The following SCG5 variants were observed in gnomAD, a reference collection of about 807,000 sequenced individuals.
SCG5 encodes secretogranin V.
Under a neutral mutation model 25.7 loss-of-function variants are expected in SCG5, and 18 were observed. The ratio of observed to expected loss-of-function variants is 0.70; its 90% CI spans 0.48 to 1.04. SCG5 has a LOEUF of 1.04. SCG5 is among the 50% of genes least tolerant of loss of function. The pLI, the probability that SCG5 is intolerant of heterozygous loss-of-function variation, is 0.00. For missense variants in SCG5, 206 were observed against 259.8 expected (o/e 0.79, Z 1.42); for synonymous variants, 101 against 91.7 (o/e 1.10, Z -0.58).
chr15:32,648,472 T>C (rs1397744767), intron 2 of SCG5, among the ~76,000 whole-genome samples: 2 of 152,154 alleles, frequency 1.3e-5, no homozygotes, highest in African/African-American at 4.8e-5. Context: ...ATCTCCGTAG[T>C]TACAATTCCA....
chr15:32,667,393 G>A (rs188632015), intron 2 of SCG5, among the ~76,000 whole-genome samples: 6 of 152,298 alleles, frequency 3.9e-5, no homozygotes, highest in East Asian at 1.9e-4. Flanking sequence ...TTCTTCACCC[G>A]TTTTACCATG....
At chr15:32,655,190 C>T (rs1049945839) in intron 2 of SCG5, among the ~76,000 whole-genome samples, 1 of 152,134 alleles carries the variant, frequency 6.6e-6, no homozygotes, top group Non-Finnish European at 1.5e-5. Flanking sequence ...CACCTGTAGT[C>T]CCAGCTACTC....
intron 2 of SCG5, among the ~76,000 whole-genome samples, chr15:32,664,419 TA>T (rs2054287125): frequency 6.6e-6 from 1 of 152,194 alleles, no homozygotes; most frequent in Non-Finnish European, 1.5e-5. Context: ...GCTACAAAAC[TA>T]ATTGATTTAT....
intron 2 of SCG5, among the ~76,000 whole-genome samples, chr15:32,651,072 G>T (rs1488317807): frequency 6.6e-6 from 1 of 152,114 alleles, no homozygotes; most frequent in Non-Finnish European, 1.5e-5. Flanking sequence ...GGTGGCACGT[G>T]CCTGTAATCC....
At chr15:32,664,764 C>T (rs1054931148) in intron 2 of SCG5, among the ~76,000 whole-genome samples, 2 of 152,166 alleles carry the variant, frequency 1.3e-5, no homozygotes, top group African/African-American at 4.8e-5. Flanking sequence ...AAGTCACCTC[C>T]ACTCTTATAA....
At chr15:32,695,667 G>T (rs1005504914) in intron 5 of SCG5, among the ~76,000 whole-genome samples, 3 of 152,028 alleles carry the variant, frequency 2.0e-5, no homozygotes, top group Non-Finnish European at 4.4e-5. Flanking sequence ...TAAAATACTG[G>T]CGAGGAAGAA....
chr15:32,655,644 AGATAGGGTCTTTGGGGGT>A (rs1422546584), intron 2 of SCG5, among the ~76,000 whole-genome samples: 57 of 152,306 alleles, frequency 3.7e-4, no homozygotes, highest in Middle Eastern at 3.4e-3. Flanking sequence ...TAGTAATAAA[AGATAGGGTCTTTGGGGGT>A]GATTAGACCT....
At chr15:32,677,246 C>T (rs999184393) in intron 2 of SCG5, among the ~76,000 whole-genome samples, 3 of 152,084 alleles carry the variant, frequency 2.0e-5, no homozygotes, top group African/African-American at 2.4e-5. Context: ...ACAAAACAAG[C>T]GAACAACCAC....
rs1567086937 is a variant in SCG5, at chr15:32,684,624, GCA to G, written c.445_446del (p.His149SerfsTer3). ...TCAGTCGAGAGTTCCAGTTGCACCA[GCA>G]TCTCTTTGATCCGGAACATGACTAT... is the stretch of plus-strand genomic sequence containing the variant. The part of the protein sequence containing the change: ...EFSREFQLHQ[H>X]LFDPEHDYPG... On this transcript the variant is annotated frameshift_variant, in exon 4 of 6. Transcript: ENST00000300175. LOFTEE classifies it high-confidence loss of function. 6.2e-7 allele frequency: 1 copy of G among 1,613,792 alleles called. No individual in the cohort carries two copies. The highest frequency in any genetic ancestry group is 1.3e-5 in the African/African-American group (1 of 75,046).
At position 32,689,941 on chromosome 15, in the gene SCG5, A is replaced by G. The variant is rs549653360; in HGVS notation, c.490-1769A>G. ...ACTGCAAGCTCTGCCTCCTGGGTTC[A>G]TGCCATTCTCCTGCCTCAGCCTCCT... On this transcript the variant is annotated intron_variant, in intron 4 of 5. Transcript: ENST00000300175. 2.7e-5 allele frequency among the ~76,000 whole-genome samples: 4 copies of G among 149,758 alleles called. No individual in the cohort carries two copies. In the South Asian group the frequency reaches 6.3e-4, roughly 24 times the overall value.
chr15:32,656,749 G>A (rs922485240), intron 2 of SCG5, among the ~76,000 whole-genome samples: 2 of 152,204 alleles, frequency 1.3e-5, no homozygotes, highest in African/African-American at 4.8e-5. Context: ...GAACCAATTG[G>A]TGCAAATACC....
chr15:32,649,296 C>T (rs1233671478), intron 2 of SCG5, among the ~76,000 whole-genome samples: 1 of 152,210 alleles, frequency 6.6e-6, no homozygotes, highest in Non-Finnish European at 1.5e-5. Context: ...ACATCTGGAT[C>T]TGTCAAGACT....
chr15:32,687,218 C>G (rs2140591452), intron 4 of SCG5, among the ~76,000 whole-genome samples: 1 of 152,292 alleles, frequency 6.6e-6, no homozygotes, highest in South Asian at 2.1e-4. Context: ...AAATTCCACT[C>G]ACTTCCAGTG....
At chr15:32,666,147 G>GAGTT (rs2054314371) in intron 2 of SCG5, among the ~76,000 whole-genome samples, 1 of 152,146 alleles carries the variant, frequency 6.6e-6, no homozygotes, top group Admixed American at 6.5e-5. Flanking sequence ...CAACACAAGG[G>GAGTT]AGTTGAGTGA....
intron 2 of SCG5, among the ~76,000 whole-genome samples, chr15:32,678,683 C>T (rs1356195028): frequency 6.6e-6 from 1 of 152,140 alleles, no homozygotes; most frequent in Non-Finnish European, 1.5e-5. Context: ...AGTAATTTGA[C>T]TTCTGGGAAT....
chr15:32,659,342 A>C (rs138350511), intron 2 of SCG5, among the ~76,000 whole-genome samples: 151 of 152,300 alleles, frequency 9.9e-4, no homozygotes, highest in African/African-American at 3.4e-3. Context: ...ATATTTGATT[A>C]TAAGCTCCCA....
At chr15:32,674,842 G>C (rs1156377638) in intron 2 of SCG5, among the ~76,000 whole-genome samples, 1 of 152,226 alleles carries the variant, frequency 6.6e-6, no homozygotes, top group African/African-American at 2.4e-5. Context: ...GCAGAGAAGA[G>C]CAGGATGCGG....
chr15:32,691,583 AGTTTT>A, intron 4 of SCG5, 122 bp from the exon 5 acceptor site: 1 of 736,660 alleles, frequency 1.4e-6, no homozygotes, highest in Middle Eastern at 3.6e-4. Context: ...CCTTTCATCT[AGTTTT>A]GTTTCCAAAA....
chr15:32,645,157 A>T (rs2053922391), intron 2 of SCG5, among the ~76,000 whole-genome samples: 1 of 152,222 alleles, frequency 6.6e-6, no homozygotes, highest in Non-Finnish European at 1.5e-5. Flanking sequence ...CGTTACTTCA[A>T]GCACACCTAT....
Sources: gnomAD v4.1 joint callset for allele counts (sites outside exome capture counted in the v4.1 genomes callset) on GRCh38, gnomAD v4.1.1 for gene constraint, MANE v1.5 for transcripts, NCBI Gene and HGNC (gene_info 2026-07-23, HGNC 2026-07-21) for gene names.